GRIK1: variants seen among roughly 807,000 people sequenced by gnomAD.
The protein encoded by GRIK1 is glutamate receptor ionotropic, kainate 1.
Under a neutral mutation model 105.7 loss-of-function variants are expected in GRIK1, and 69 were observed. The ratio of observed to expected loss-of-function variants is 0.65; its 90% CI spans 0.54 to 0.80. The LOEUF (loss-of-function observed/expected upper bound fraction) is 0.80, where lower values mean the gene tolerates loss of function less well. Ranked by LOEUF, GRIK1 falls within the 30% of genes least tolerant of loss-of-function variation. The pLI, the probability that GRIK1 is intolerant of heterozygous loss-of-function variation, is 0.00. For synonymous variants in GRIK1, 438 were observed against 431.3 expected (o/e 1.02, Z -0.19); for missense variants, 1,109 against 1,167.3 (o/e 0.95, Z 0.73).
At chr21:29,574,789 G>C (rs112382934) in intron 14 of GRIK1, among the ~76,000 whole-genome samples, 1 of 145,904 alleles carries the variant, frequency 6.9e-6, no homozygotes, top group Non-Finnish European at 1.5e-5. Context: ...CCGGGTTCAC[G>C]CCATTCTCCT....
intron 1 of GRIK1, among the ~76,000 whole-genome samples, chr21:29,737,490 CA>C (rs1199998303): frequency 6.6e-6 from 1 of 152,192 alleles, no homozygotes; most frequent in Non-Finnish European, 1.5e-5. Context: ...ATAAAAGGGG[CA>C]CATTCCAGAA....
Position 29,615,306 on chromosome 21 carries a change from T to TTTC in GRIK1, c.1099-16370_1099-16369insGAA, listed in dbSNP as rs1568889064. 5.9e-3 allele frequency among the ~76,000 whole-genome samples: 885 copies of TTTC among 150,344 alleles called. 37 individuals are homozygous for TTTC. Among genetic ancestry groups the TTTC allele is most frequent in the African/African-American group, 0.021 (851 of 39,794 alleles). The stretch of plus-strand genomic sequence containing the variant: ...TGCCTTCATGGCCCACTATTCCTTT[T>TTTC]TTTCTTTCTTTCTTTCTTTTTTTGA... On this transcript the variant is annotated intron_variant, in intron 7 of 17. Transcript: ENST00000327783.
rs190005004 is a variant in GRIK1, at chr21:29,550,193, A to G, written c.2607+4859T>C. Among the ~76,000 whole-genome samples, 5 of 151,718 alleles carry G rather than the reference A, an allele frequency of 3.3e-5. No individual in the cohort carries two copies. In the East Asian group the frequency reaches 9.7e-4, roughly 29 times the overall value. On this transcript the variant is annotated intron_variant, in intron 16 of 17. Coordinates refer to ENST00000327783, the MANE Select transcript of GRIK1 (RefSeq NM_001330994.2). Reference sequence around the variant, plus strand: ...AGGAAGGAAGGGTACAGAGAGAGCAATAAACTGTCTACTTGATAATTCTGA... The same window carrying G: ...AGGAAGGAAGGGTACAGAGAGAGCAGTAAACTGTCTACTTGATAATTCTGA...
intron 1 of GRIK1, among the ~76,000 whole-genome samples, chr21:29,791,484 CAAA>C (rs1371412396): frequency 6.7e-6 from 1 of 150,080 alleles, no homozygotes; most frequent in East Asian, 2.0e-4. Flanking sequence ...CAGGGAGAGA[CAAA>C]GAAGAAGAAG....
intron 7 of GRIK1, chr21:29,601,283 C>G (rs1329047063): frequency 6.2e-6 from 3 of 487,196 alleles, no homozygotes; most frequent in Admixed American, 3.9e-5. Context: ...ATCATCGATG[C>G]TCTTCGTTCT....
intron 1 of GRIK1, among the ~76,000 whole-genome samples, chr21:29,922,409 A>G (rs1465130255): frequency 1.3e-5 from 2 of 152,100 alleles, no homozygotes; most frequent in Admixed American, 6.6e-5. Flanking sequence ...AAGAAAACTG[A>G]TTTTATAATT....
intron 1 of GRIK1, among the ~76,000 whole-genome samples, chr21:29,725,291 C>T (rs998230026): frequency 1.3e-5 from 2 of 152,146 alleles, no homozygotes; most frequent in African/African-American, 4.8e-5. Context: ...TAAGCAACAA[C>T]CTGCCAATTC....
At chr21:29,710,808 C>G in intron 1 of GRIK1, among the ~76,000 whole-genome samples, 1 of 105,702 alleles carries the variant, frequency 9.5e-6, no homozygotes, top group Non-Finnish European at 1.8e-5. Context: ...TCCTTCCTTC[C>G]TTCCTTCCTT....
chr21:29,679,320 T>C (rs998372229), intron 3 of GRIK1, among the ~76,000 whole-genome samples: 1 of 152,200 alleles, frequency 6.6e-6, no homozygotes, highest in South Asian at 2.1e-4. Flanking sequence ...AGAAATCTCA[T>C]GGCTGTGATG....
At chr21:29,893,029 G>A (rs2069961755) in intron 1 of GRIK1, among the ~76,000 whole-genome samples, 2 of 152,104 alleles carry the variant, frequency 1.3e-5, no homozygotes, top group African/African-American at 4.8e-5. Context: ...ACAATTAGCT[G>A]GGCATGGTGA....
chr21:29,888,852 C>T (rs1006391750), intron 1 of GRIK1, among the ~76,000 whole-genome samples: 2 of 152,060 alleles, frequency 1.3e-5, no homozygotes, highest in Admixed American at 6.5e-5. Context: ...TTTTTTCCCC[C>T]TCCCCACTAT....
chr21:29,597,238 GA>G (rs1218811666), intron 8 of GRIK1, among the ~76,000 whole-genome samples: 3 of 152,156 alleles, frequency 2.0e-5, no homozygotes, highest in Non-Finnish European at 2.9e-5. Context: ...CCTGAAGAAA[GA>G]AAAGTTATTG....
intron 1 of GRIK1, among the ~76,000 whole-genome samples, chr21:29,868,794 T>C (rs2068912941): frequency 6.6e-6 from 1 of 152,116 alleles, no homozygotes; most frequent in African/African-American, 2.4e-5. Flanking sequence ...TTTGAAAAGG[T>C]TTCAAGAAGG....
chr21:29,560,345 TTCTTTCTTTCTTTTTCTTTCTTCC>T (rs2090382088), intron 15 of GRIK1, among the ~76,000 whole-genome samples: 1 of 111,098 alleles, frequency 9.0e-6, no homozygotes, highest in African/African-American at 3.9e-5. Flanking sequence ...CTTTCTTTCT[TTCTTTCTTTCTTTTTCTTTCTTCC>T]TTCCTTCCTT....
intron 8 of GRIK1, 99 bp downstream of exon 8, chr21:29,598,731 G>T: frequency 1.7e-6 from 1 of 579,700 alleles, no homozygotes; most frequent in East Asian, 2.9e-5. Context: ...CATGCTTAGA[G>T]AATCACTTCA....
intron 6 of GRIK1, among the ~76,000 whole-genome samples, chr21:29,644,087 A>G (rs1232178741): frequency 6.6e-6 from 1 of 152,148 alleles, no homozygotes; most frequent in Non-Finnish European, 1.5e-5. Context: ...GAAAATTATC[A>G]TATGGTTTTC....
At chr21:29,792,939 T>C (rs2066462828) in intron 1 of GRIK1, among the ~76,000 whole-genome samples, 1 of 152,224 alleles carries the variant, frequency 6.6e-6, no homozygotes, top group Admixed American at 6.5e-5. Flanking sequence ...GAAGAATAAT[T>C]TCCACTTTTG....
chr21:29,806,863 A>T (rs1199150339), intron 1 of GRIK1, among the ~76,000 whole-genome samples: 2 of 152,184 alleles, frequency 1.3e-5, no homozygotes, highest in African/African-American at 2.4e-5. Flanking sequence ...ATTCTTAGTT[A>T]TGTCTATCCA....
intron 7 of GRIK1, among the ~76,000 whole-genome samples, chr21:29,610,474 A>T (rs1362978054): frequency 6.6e-6 from 1 of 152,170 alleles, no homozygotes; most frequent in Non-Finnish European, 1.5e-5. Flanking sequence ...GACAGAGAGA[A>T]AGAGACTGAA....
Sources: allele counts gnomAD v4.1 joint callset (sites outside exome capture counted in the v4.1 genomes callset), GRCh38; gene constraint gnomAD v4.1.1; transcripts MANE v1.5; gene names NCBI Gene and HGNC (gene_info 2026-07-23, HGNC 2026-07-21).